The following DISP3 variants were observed in gnomAD, a reference collection of about 807,000 sequenced individuals.
The protein encoded by DISP3 is dispatched RND transporter family member 3, also known as protein dispatched homolog 3.
Under a neutral mutation model 135.3 loss-of-function variants are expected in DISP3, and 101 were observed. The observed-to-expected ratio is 0.75, with a 90% CI of 0.64 to 0.88. DISP3 has a LOEUF of 0.88. Among genes scored for constraint, DISP3 ranks in the 40% least tolerant of loss-of-function variants. The pLI is 0.00. For missense variants in DISP3, 1,713 were observed against 1,878.6 expected, an observed-to-expected ratio of 0.91 and a Z score of 1.63; for synonymous variants, 856 against 817.0, an observed-to-expected ratio of 1.05 and a Z score of -0.81.
intron 3 of DISP3, among the ~76,000 whole-genome samples, chr1:11,512,240 T>C (rs1246075509): frequency 6.6e-6 from 1 of 152,182 alleles, no homozygotes. Context: ...TGGCTTGAAT[T>C]TCTCCCCAGA....
At chr1:11,517,642 C>A (rs757996341) in intron 7 of DISP3, 40 bp downstream of exon 7, 1 of 1,606,126 alleles carries the variant, frequency 6.2e-7, no homozygotes, top group Admixed American at 1.7e-5. Context: ...AGGGTATCCA[C>A]AACAGGCCTC....
intron 7 of DISP3, among the ~76,000 whole-genome samples, chr1:11,518,161 C>T (rs1453965129): frequency 1.3e-5 from 2 of 152,118 alleles, no homozygotes; most frequent in African/African-American, 4.8e-5. Flanking sequence ...TGAATCAGGC[C>T]TGGGTGGCTG....
intron 1 of DISP3, among the ~76,000 whole-genome samples, chr1:11,492,914 G>C (rs1641229371): frequency 6.6e-6 from 1 of 152,158 alleles, no homozygotes; most frequent in South Asian, 2.1e-4. Flanking sequence ...GTAGGACTTG[G>C]AACATCTTCA....
chr1:11,480,348 C>T (rs542504203), intron 1 of DISP3, among the ~76,000 whole-genome samples: 2 of 152,250 alleles, frequency 1.3e-5, no homozygotes, highest in East Asian at 1.9e-4. Flanking sequence ...CCCATCCATG[C>T]GCACACACAT....
intron 1 of DISP3, among the ~76,000 whole-genome samples, chr1:11,492,313 C>G (rs1010019559): frequency 1.3e-5 from 2 of 152,116 alleles, no homozygotes; most frequent in Non-Finnish European, 2.9e-5. Context: ...TGCCCATGAA[C>G]GTTGGATCCC....
intron 12 of DISP3, among the ~76,000 whole-genome samples, chr1:11,525,515 A>G (rs1389546987): frequency 6.6e-6 from 1 of 151,782 alleles, no homozygotes; most frequent in Non-Finnish European, 1.5e-5. Context: ...CCAGGCCTGG[A>G]TTCAAATCCT....
intron 7 of DISP3, among the ~76,000 whole-genome samples, chr1:11,518,115 G>A (rs147687694): frequency 2.6e-4 from 40 of 152,318 alleles, no homozygotes; most frequent in African/African-American, 9.6e-4. Context: ...TTGTGGGCCT[G>A]GTGGTTGGGA....
rs1041958391 is a variant in DISP3 at position 11,482,760 on chromosome 1, AG to A, written c.-4+3392del. ...AAACGGAGGGCTGGGACAGTGAGGC[AG>A]GGGTGTGGGATTGTCCATCAGTCCT... On this transcript the variant is annotated intron_variant, in intron 1 of 20. Transcript: ENST00000294484. Among the ~76,000 whole-genome samples, 86 of 152,244 alleles carry A rather than the reference AG, an allele frequency of 5.6e-4. 1 individual carries two copies. Among genetic ancestry groups the A allele is most frequent in the African/African-American group, 2.0e-3 (84 of 41,538 alleles).
rs374174372 is a variant in DISP3, at chr1:11,529,670, C to T, written c.2913C>T (p.Phe971=). The T allele has an allele frequency of 1.4e-5, 22 of 1,606,942 alleles. No homozygotes were observed. Among genetic ancestry groups the T allele is most frequent in the South Asian group, 5.5e-5 (5 of 90,914 alleles). ...ATGGGCCTACCAAAGGCTTCTTCTT[C>T]GTGCCTAGTGAGAAAGGTACGGCAA... ...SPDGPTKGFF[F]VPSEKVPKAR... is the part of the protein sequence containing the mutation. Residue 971 remains phenylalanine, a synonymous_variant, in exon 14 of 21, where the codon TTC becomes TTT. Coordinates refer to ENST00000294484, the MANE Select transcript of DISP3 (RefSeq NM_020780.2). The surrounding 1 kb of genome is among the most constrained non-coding windows in gnomAD (Gnocchi z 4.7).
At chr1:11,480,490 C>T (rs1290310031) in intron 1 of DISP3, among the ~76,000 whole-genome samples, 1 of 152,146 alleles carries the variant, frequency 6.6e-6, no homozygotes, top group African/African-American at 2.4e-5. Context: ...ATCTCACAAG[C>T]ACACACGTTC....
chr1:11,517,534 C>T lies in DISP3; in HGVS notation c.1821C>T (p.Val607=), dbSNP rs777489498. The stretch of plus-strand genomic sequence containing the variant: ...CCTGTTGCTGGCTGGCCGTGCTTGT[C>T]ACCATGCCTGCAGCTCTGGGCCTCT... The part of the protein sequence containing the change: ...IVSCCWLAVL[V]TMPAALGLWS... Residue 607 remains valine (V), a synonymous_variant, in exon 7 of 21, where the codon GTC becomes GTT. Transcript: ENST00000294484. The T allele has an allele frequency of 6.2e-7, 1 of 1,614,220 alleles. No individual in the cohort carries two copies. The highest frequency in any genetic ancestry group is 1.1e-5 in the South Asian group (1 of 91,076).
intron 15 of DISP3, among the ~76,000 whole-genome samples, chr1:11,530,324 C>T (rs1246531957): frequency 1.3e-5 from 2 of 152,242 alleles, no homozygotes; most frequent in Admixed American, 6.5e-5. Flanking sequence ...ACATGCACTC[C>T]TGTCCAATGT....
rs751646013 is a variant in DISP3 at position 11,517,564 on chromosome 1, CCT to C, written c.1854_1855del (p.Tyr619ProfsTer49). 63 of 1,614,056 alleles carry C rather than the reference CCT, an allele frequency of 3.9e-5. No individual in the cohort carries two copies. Among genetic ancestry groups the C allele is most frequent in the Non-Finnish European group, 5.3e-5 (62 of 1,180,052 alleles). On this transcript the variant is annotated frameshift_variant, in exon 7 of 21. Coordinates refer to ENST00000294484, the MANE Select transcript of DISP3 (RefSeq NM_020780.2). LOFTEE classifies it high-confidence loss of function. ...TMPAALGLWS[L>X]YLAPLESSCQ... ...TGCCTGCAGCTCTGGGCCTCTGGAG[CCT>C]CTACCTGGCACCACTGGAGAGCTCC...
intron 11 of DISP3, 134 bp from the exon 12 acceptor site, chr1:11,525,042 G>A: frequency 9.0e-7 from 1 of 1,107,382 alleles, no homozygotes; most frequent in African/African-American, 1.6e-5. Flanking sequence ...GAGGGGCACA[G>A]CCAGCATTTT....
rs369092773 is a variant in DISP3 at position 11,529,238 on chromosome 1, C to T, written c.2799-318C>T. ...GGTCCCTCCTGAACCCTCGTACCCC[C>T]GGGGGACAGTTTGAAAGCTGCTGGT... is the stretch of plus-strand genomic sequence containing the variant. On this transcript the variant is annotated intron_variant, in intron 13 of 20. Coordinates refer to ENST00000294484, the MANE Select transcript of DISP3 (RefSeq NM_020780.2). The surrounding 1 kb of genome is among the most constrained non-coding windows in gnomAD (Gnocchi z 4.7). Among the ~76,000 whole-genome samples the T allele has an allele frequency of 1.2e-4, 18 of 152,192 alleles. No homozygotes were observed. The highest frequency in any genetic ancestry group is 1.0e-3 in the South Asian group (5 of 4,828).
intron 17 of DISP3, 125 bp from the exon 18 acceptor site, chr1:11,534,253 CGTT>C (rs984228868): frequency 2.6e-5 from 30 of 1,147,764 alleles, no homozygotes; most frequent in Admixed American, 7.8e-5. Flanking sequence ...TGGATTGAAT[CGTT>C]GTTCACACCC....
chr1:11,527,408 G>A (rs1219686264), intron 13 of DISP3, among the ~76,000 whole-genome samples: 1 of 152,060 alleles, frequency 6.6e-6, no homozygotes, highest in Non-Finnish European at 1.5e-5. Context: ...AATTAGCCAG[G>A]CATGGTGGCA....
chr1:11,487,557 GC>G (rs937880381), intron 1 of DISP3, among the ~76,000 whole-genome samples: 27 of 152,244 alleles, frequency 1.8e-4, no homozygotes, highest in African/African-American at 6.5e-4. Flanking sequence ...GCTGTCACCA[GC>G]CTAAAAGACT....
Position 11,526,904 on chromosome 1 carries a change from C to A in DISP3, c.2798+69C>A, listed in dbSNP as rs142635964. 1.3e-4 allele frequency: 195 copies of A among 1,509,704 alleles called. 1 individual carries two copies. The East Asian group carries it at 3.5e-3, about 27-fold the overall frequency. 93.5% of individuals were successfully genotyped at this position (1,509,704 alleles called of 1,614,324 possible). A position where few individuals can be genotyped will look rare whatever the true frequency, so the allele number is the denominator to read the frequency against. ...GCTTCTTTGCCCTTTTCTCTCTTTT[C>A]TCTCTCTTTTCACATGAGGGATGCC... On this transcript the variant is annotated intron_variant, in intron 13 of 20. Coordinates refer to ENST00000294484, the MANE Select transcript of DISP3 (RefSeq NM_020780.2).
Sources: allele counts gnomAD v4.1 joint callset (sites outside exome capture counted in the v4.1 genomes callset), GRCh38; gene constraint gnomAD v4.1.1; non-coding constraint Gnocchi (gnomAD v3.1); transcripts MANE v1.5; gene names NCBI Gene and HGNC (gene_info 2026-07-23, HGNC 2026-07-21).